ZNF717: variants seen among roughly 807,000 people sequenced by gnomAD.
ZNF717 encodes krueppel-like factor X17.
ZNF717 carries 9 observed loss-of-function variants against 13.8 expected under a neutral mutation model. That is an observed-to-expected ratio of 0.65 (90% CI 0.39 to 1.14). The LOEUF (loss-of-function observed/expected upper bound fraction) is 1.14, where lower values mean the gene tolerates loss of function less well. Among genes scored for constraint, ZNF717 ranks in the 50% most tolerant of loss-of-function variants. The probability of loss-of-function intolerance (pLI) is 0.01; values close to 1 mark genes in which losing one functional copy is unlikely to be tolerated. For missense variants in ZNF717, 1,040 were observed against 1,080.7 expected (o/e 0.96, Z 0.53); for synonymous variants, 327 against 364.1 (o/e 0.90, Z 1.16).
chr3:75,721,936 G>T (rs1575722378), intron 4 of ZNF717, among the ~76,000 whole-genome samples: 1 of 151,978 alleles, frequency 6.6e-6, no homozygotes, highest in South Asian at 2.1e-4. Context: ...TTACATAAGA[G>T]AAATTAGGAC....
At chr3:75,763,366 G>A (rs537991298) in intron 2 of ZNF717, among the ~76,000 whole-genome samples, 11 of 152,322 alleles carry the variant, frequency 7.2e-5, no homozygotes, top group Non-Finnish European at 1.5e-5. Flanking sequence ...ACCTGAGTCT[G>A]AGATGCTCCA....
chr3:75,712,010 T>C (rs1937948640), intron 5 of ZNF717, among the ~76,000 whole-genome samples: 2 of 152,372 alleles, frequency 1.3e-5, no homozygotes, highest in Middle Eastern at 6.8e-3. Flanking sequence ...AATTTCAAGT[T>C]ATGTTGGAGT....
downstream of ZNF717, among the ~76,000 whole-genome samples, chr3:75,726,005 T>C (rs1468813158): frequency 2.0e-5 from 3 of 152,228 alleles, no homozygotes; most frequent in Admixed American, 6.5e-5. Flanking sequence ...TAGACTCAGA[T>C]GGCTTTGTGG....
intron 2 of ZNF717, among the ~76,000 whole-genome samples, chr3:75,768,541 GT>G (rs1943667865): frequency 6.6e-6 from 1 of 151,200 alleles, no homozygotes; most frequent in African/African-American, 2.4e-5. Flanking sequence ...GGCTGAGTGT[GT>G]GGGGGGGTAG....
chr3:75,747,792 C>G (rs1941317730), intron 2 of ZNF717, among the ~76,000 whole-genome samples: 1 of 152,084 alleles, frequency 6.6e-6, no homozygotes, highest in Non-Finnish European at 1.5e-5. Flanking sequence ...GATATACAAA[C>G]ATGTCATCTG....
In ZNF717 at chr3:75,737,691, C is replaced by G. The variant is rs1364775426; in HGVS notation, c.1932G>C (p.Glu644Asp). The G allele has an allele frequency of 2.6e-6, 4 of 1,545,350 alleles. No homozygotes were observed. Among genetic ancestry groups the G allele is most frequent in the East Asian group, 4.9e-5 (2 of 40,494 alleles). ...CACATTCATTACATACGTAAGGTTT[C>G]TCTCCTGTGTGAGTTCCCTGATGGG... is the stretch of plus-strand genomic sequence containing the variant. ...LSTHQGTHTG[E>D]KPYVCNECGK... Residue 644 changes from glutamate to aspartate, a missense_variant, in exon 5 of 5, where the codon GAG (glutamate) becomes GAC (aspartate). By Grantham distance (45) the Glu-to-Asp change is conservative (BLOSUM62 2). Coordinates refer to ENST00000652011, the MANE Select transcript of ZNF717 (RefSeq NM_001290208.3).
chr3:75,714,676 C>T (rs1456704904), intron 5 of ZNF717, among the ~76,000 whole-genome samples: 1 of 152,046 alleles, frequency 6.6e-6, no homozygotes, highest in Admixed American at 6.6e-5. Flanking sequence ...ACCATCTGAC[C>T]AGTAAACCCA....
intron 3 of ZNF717, 98 bp downstream of exon 3, chr3:75,741,512 T>G (rs77510600): frequency 6.8e-7 from 1 of 1,480,176 alleles, no homozygotes; most frequent in African/African-American, 1.4e-5. Context: ...TTTCATCAAC[T>G]GGAAGCTTAC....
Position 75,719,759 on chromosome 3 carries a change from T to G in ZNF717, n.545-3218A>C, listed in dbSNP as rs73114954. ...ATCGCCTGAAGTCAGGAGTTCGAGA[T>G]CATCCTGGCCAACATGATGAAACCC... On this transcript the variant is annotated intron_variant and non_coding_transcript_variant, in intron 4 of 5. Coordinates refer to the ZNF717 transcript ENST00000491507. Among the ~76,000 whole-genome samples, 5 of 151,944 alleles carry G rather than the reference T, an allele frequency of 3.3e-5. 1 individual carries two copies.
At chr3:75,699,888 C>T (rs1937650709) in intron 6 of ZNF717, among the ~76,000 whole-genome samples, 1 of 152,310 alleles carries the variant, frequency 6.6e-6, no homozygotes, top group East Asian at 1.9e-4. Flanking sequence ...AAATGTAATA[C>T]TATTTGCAGT....
intron 4 of ZNF717, among the ~76,000 whole-genome samples, chr3:75,722,402 A>G (rs1575722704): frequency 6.6e-6 from 1 of 152,256 alleles, no homozygotes; most frequent in African/African-American, 2.4e-5. Context: ...AACTGAAGAC[A>G]GCTTTATACT....
chr3:75,703,989 A>G (rs1187790857), intron 6 of ZNF717, among the ~76,000 whole-genome samples: 2 of 152,312 alleles, frequency 1.3e-5, no homozygotes, highest in African/African-American at 2.4e-5. Flanking sequence ...AAAAATGTAT[A>G]AATGTCCTAG....
At chr3:75,772,200 C>T (rs1051831465) in intron 2 of ZNF717, among the ~76,000 whole-genome samples, 1 of 149,150 alleles carries the variant, frequency 6.7e-6, no homozygotes, top group Non-Finnish European at 1.5e-5. Context: ...CAGAAAGGAG[C>T]TACCCCCTGC....
downstream of ZNF717, among the ~76,000 whole-genome samples, chr3:75,726,698 A>G (rs1373196471): frequency 2.6e-5 from 4 of 152,272 alleles, no homozygotes; most frequent in Non-Finnish European, 5.9e-5. Context: ...TGCAGTCTTG[A>G]AGGAACTGAT....
chr3:75,761,996 G>A (rs1159368007), intron 2 of ZNF717, among the ~76,000 whole-genome samples: 5 of 151,418 alleles, frequency 3.3e-5, no homozygotes, highest in Admixed American at 1.3e-4. Context: ...GGAGGTTGCA[G>A]TCAGCTGAGA....
chr3:75,754,575 T>C (rs1276115866), intron 2 of ZNF717, among the ~76,000 whole-genome samples: 2 of 152,186 alleles, frequency 1.3e-5, no homozygotes, highest in African/African-American at 4.8e-5. Flanking sequence ...AACTGAAGAA[T>C]ACCTCTGATG....
downstream of ZNF717, among the ~76,000 whole-genome samples, chr3:75,725,499 C>CT (rs1293432941): frequency 6.6e-6 from 1 of 152,254 alleles, no homozygotes; most frequent in Non-Finnish European, 1.5e-5. Context: ...CTCCAGAACT[C>CT]TGTTTCTGCA....
At chr3:75,749,384 C>T (rs1159653813) in intron 2 of ZNF717, among the ~76,000 whole-genome samples, 22 of 151,818 alleles carry the variant, frequency 1.4e-4, no homozygotes, top group Non-Finnish European at 2.8e-4. Context: ...AACACTTCAA[C>T]GAGGGTCTGA....
chr3:75,722,740 G>A (rs1445600114), intron 4 of ZNF717, among the ~76,000 whole-genome samples: 4 of 149,768 alleles, frequency 2.7e-5, no homozygotes, highest in Non-Finnish European at 5.9e-5. Flanking sequence ...CTTGAACCCA[G>A]GAGGTGGAGG....
Sources: gnomAD v4.1 joint callset for allele counts (sites outside exome capture counted in the v4.1 genomes callset) on GRCh38, gnomAD v4.1.1 for gene constraint, MANE v1.5 for transcripts, NCBI Gene and HGNC (gene_info 2026-07-23, HGNC 2026-07-21) for gene names.